Variants in FAM227B observed in about 807,000 individuals in gnomAD.
The protein encoded by FAM227B is protein FAM227B.
Under a neutral mutation model 73.8 loss-of-function variants are expected in FAM227B, and 88 were observed. The ratio of observed to expected loss-of-function variants is 1.19; its 90% CI spans 1.00 to 1.42. The LOEUF is 1.42. Ranked by LOEUF, FAM227B falls within the 40% of genes most tolerant of loss-of-function variation. FAM227B has a pLI of 0.00. For missense variants in FAM227B, 632 were observed against 590.9 expected, an observed-to-expected ratio of 1.07 and a Z score of -0.72; for synonymous variants, 210 against 190.5, an observed-to-expected ratio of 1.10 and a Z score of -0.84.
intron 9 of FAM227B, among the ~76,000 whole-genome samples, chr15:49,548,501 T>C (rs1317384408): frequency 6.6e-6 from 1 of 152,232 alleles, no homozygotes; most frequent in Non-Finnish European, 1.5e-5. Flanking sequence ...TTGATGTGCC[T>C]TTGTCTAGTT....
chr15:49,328,051 T>C lies in FAM227B; in HGVS notation c.*517A>G, dbSNP rs766787587. ...ACAAGCTGCCCAGCTTTCTAGCAAA[T>C]GTGCACAAAGCTTATTACCAGAGGA... On this transcript the variant is annotated 3_prime_UTR_variant, in exon 16 of 16. Transcript: ENST00000299338. 9 of 1,613,942 alleles carry C rather than the reference T, an allele frequency of 5.6e-6. No individual in the cohort carries two copies. The highest frequency in any genetic ancestry group is 6.8e-6 in the Non-Finnish European group (8 of 1,179,964).
intron 10 of FAM227B, among the ~76,000 whole-genome samples, chr15:49,534,206 C>T (rs1597970802): frequency 6.6e-6 from 1 of 151,908 alleles, no homozygotes; most frequent in East Asian, 1.9e-4. Flanking sequence ...AGCAGGTCAC[C>T]TCTGCAGGTA....
chr15:49,379,779 G>C (rs1335653340), intron 11 of FAM227B, among the ~76,000 whole-genome samples: 1 of 152,182 alleles, frequency 6.6e-6, no homozygotes, highest in Non-Finnish European at 1.5e-5. Context: ...TGAAGCTGGA[G>C]CTGGAGTGAC....
chr15:49,556,462 T>C (rs2073696165), intron 9 of FAM227B, among the ~76,000 whole-genome samples: 1 of 152,196 alleles, frequency 6.6e-6, no homozygotes, highest in Non-Finnish European at 1.5e-5. Flanking sequence ...TAAAGTGTTC[T>C]TGGGCCACAG....
intron 12 of FAM227B, 59 bp from the exon 13 acceptor site, chr15:49,367,667 G>T: frequency 7.0e-7 from 1 of 1,423,208 alleles, no homozygotes; most frequent in Non-Finnish European, 9.4e-7. Context: ...AAAAAACTGT[G>T]AATAAAATAT....
At chr15:49,527,390 C>T (rs1190291320) in intron 10 of FAM227B, among the ~76,000 whole-genome samples, 1 of 151,928 alleles carries the variant, frequency 6.6e-6, no homozygotes, top group East Asian at 1.9e-4. Flanking sequence ...CCATCAAACA[C>T]ACAGCCAACA....
intron 11 of FAM227B, among the ~76,000 whole-genome samples, chr15:49,500,251 T>A (rs899473270): frequency 6.6e-5 from 10 of 152,128 alleles, no homozygotes; most frequent in South Asian, 6.2e-4. Context: ...TATAAAGACC[T>A]CTTATAACTC....
chr15:49,497,720 A>G (rs2057750702), intron 11 of FAM227B, among the ~76,000 whole-genome samples: 1 of 152,198 alleles, frequency 6.6e-6, no homozygotes, highest in African/African-American at 2.4e-5. Flanking sequence ...AGTGATCTTT[A>G]CCTCTTTGAA....
intron 11 of FAM227B, among the ~76,000 whole-genome samples, chr15:49,418,688 C>T (rs1475396957): frequency 6.6e-6 from 1 of 151,950 alleles, no homozygotes; most frequent in African/African-American, 2.4e-5. Flanking sequence ...AGGTACTATG[C>T]TTAGTGCTTC....
At chr15:49,610,855 C>T (rs1173662249) in intron 3 of FAM227B, among the ~76,000 whole-genome samples, 1 of 152,096 alleles carries the variant, frequency 6.6e-6, no homozygotes, top group Admixed American at 6.6e-5. Context: ...GATGTAACAC[C>T]TCTACAGATT....
At chr15:49,339,177 C>T (rs964075162) in intron 13 of FAM227B, among the ~76,000 whole-genome samples, 1 of 152,098 alleles carries the variant, frequency 6.6e-6, no homozygotes, top group Non-Finnish European at 1.5e-5. Context: ...CCCTTGCTGG[C>T]AAGGAGTTGT....
chr15:49,612,761 T>C (rs1348929205), intron 2 of FAM227B, among the ~76,000 whole-genome samples: 3 of 152,066 alleles, frequency 2.0e-5, no homozygotes, highest in Non-Finnish European at 2.9e-5. Flanking sequence ...GTGGTCAAGA[T>C]TACAGAATCA....
At chr15:49,620,246 G>C (rs2078605199) in intron 1 of FAM227B, 1 of 152,106 alleles carries the variant, frequency 6.6e-6, no homozygotes, top group Non-Finnish European at 1.5e-5. Context: ...TGCATTTTCT[G>C]TACTTGAATT....
chr15:49,350,157 T>C (rs1432494876), intron 13 of FAM227B, among the ~76,000 whole-genome samples: 3 of 151,934 alleles, frequency 2.0e-5, no homozygotes, highest in African/African-American at 4.8e-5. Context: ...CTCAAGGCAG[T>C]GTTGTTCATA....
At chr15:49,346,715 G>C (rs2041561544) in intron 13 of FAM227B, among the ~76,000 whole-genome samples, 1 of 152,112 alleles carries the variant, frequency 6.6e-6, no homozygotes, top group African/African-American at 2.4e-5. Context: ...TAAGGCGAAA[G>C]TGCCCATTAT....
chr15:49,461,484 A>C (rs543131859), intron 11 of FAM227B, among the ~76,000 whole-genome samples: 1 of 152,342 alleles, frequency 6.6e-6, no homozygotes, highest in Admixed American at 6.5e-5. Context: ...ACTTTAGCTA[A>C]TCTGAGAAAC....
At chr15:49,553,251 T>C (rs2073249754) in intron 9 of FAM227B, among the ~76,000 whole-genome samples, 1 of 152,220 alleles carries the variant, frequency 6.6e-6, no homozygotes, top group Non-Finnish European at 1.5e-5. Flanking sequence ...GAGACTTTTT[T>C]TCTCCTCCCT....
intron 11 of FAM227B, among the ~76,000 whole-genome samples, chr15:49,381,737 A>G (rs1248913816): frequency 6.6e-6 from 1 of 152,172 alleles, no homozygotes; most frequent in Non-Finnish European, 1.5e-5. Flanking sequence ...GACAACACTA[A>G]TTGTTTTTTG....
At chr15:49,606,427 T>G (rs2077526692) in intron 3 of FAM227B, among the ~76,000 whole-genome samples, 1 of 152,224 alleles carries the variant, frequency 6.6e-6, no homozygotes, top group African/African-American at 2.4e-5. Flanking sequence ...TATATTTACT[T>G]ATTTGATCAA....
Sources: gnomAD v4.1 joint callset for allele counts (sites outside exome capture counted in the v4.1 genomes callset) on GRCh38, gnomAD v4.1.1 for gene constraint, MANE v1.5 for transcripts, NCBI Gene and HGNC (gene_info 2026-07-23, HGNC 2026-07-21) for gene names.